Variants in SDCCAG8 observed in about 807,000 individuals in gnomAD.
The protein encoded by SDCCAG8 is SHH signaling and ciliogenesis regulator SDCCAG8, also known as serologically defined colon cancer antigen 8.
SDCCAG8 carries 74 observed loss-of-function variants against 101.8 expected under a neutral mutation model. The observed-to-expected ratio is 0.73, with a 90% confidence interval of 0.60 to 0.88. The LOEUF is 0.88. Among genes scored for constraint, SDCCAG8 ranks in the 40% least tolerant of loss-of-function variants. The pLI, the probability that SDCCAG8 is intolerant of heterozygous loss-of-function variation, is 0.00. For synonymous variants in SDCCAG8, 281 were observed against 292.9 expected (o/e 0.96, Z 0.41); for missense variants, 787 against 822.6 (o/e 0.96, Z 0.53).
chr1:243,374,883 T>A (rs1036183426), intron 12 of SDCCAG8, among the ~76,000 whole-genome samples: 23 of 151,968 alleles, frequency 1.5e-4, no homozygotes, highest in Non-Finnish European at 2.9e-4. Flanking sequence ...TATGTTCATT[T>A]AAAAAAAATT....
intron 12 of SDCCAG8, among the ~76,000 whole-genome samples, 197 bp from the exon 13 acceptor site, chr1:243,378,524 T>A (rs1183604359): frequency 6.6e-6 from 1 of 152,236 alleles, no homozygotes; most frequent in Non-Finnish European, 1.5e-5. Flanking sequence ...GATTTCATTT[T>A]ACAATCCAAA....
intron 16 of SDCCAG8, among the ~76,000 whole-genome samples, chr1:243,428,673 A>T (rs1350497287): frequency 6.6e-6 from 1 of 152,276 alleles, no homozygotes; most frequent in Non-Finnish European, 1.5e-5. Flanking sequence ...ATGCAAATCT[A>T]TTATAAAAAG....
Position 243,341,044 on chromosome 1 carries a change from G to A in SDCCAG8, c.1227G>A (p.Leu409=), listed in dbSNP as rs1022554259. 1.2e-6 allele frequency: 2 copies of A among 1,613,438 alleles called. No individual in the cohort carries two copies. The highest frequency in any genetic ancestry group is 8.5e-7 in the Non-Finnish European group (1 of 1,179,410). Reference sequence around the variant, plus strand: ...ACTTTTATTTTCCCTTACAGATGTTGATCTTGTCTCAGAATATTGCCCAAC... The same window carrying A: ...ACTTTTATTTTCCCTTACAGATGTTAATCTTGTCTCAGAATATTGCCCAAC... The part of the protein sequence containing the change: ...KEREYMGSKM[L]ILSQNIAQLE... The change falls in exon 11 of 18, where the codon TTG becomes TTA. Residue 409 remains leucine, a synonymous_variant. Transcript: ENST00000366541.
intron 16 of SDCCAG8, among the ~76,000 whole-genome samples, chr1:243,460,012 G>C (rs1016447470): frequency 6.6e-6 from 1 of 152,072 alleles, no homozygotes; most frequent in African/African-American, 2.4e-5. Context: ...GTCACTCAAG[G>C]GATTATTGCA....
At chr1:243,383,235 C>G (rs145037878) in intron 13 of SDCCAG8, among the ~76,000 whole-genome samples, 8 of 152,102 alleles carry the variant, frequency 5.3e-5, no homozygotes, top group African/African-American at 1.9e-4. Flanking sequence ...ACAATTAAAA[C>G]CATATACTTT....
At chr1:243,267,146 G>A in intron 1 of SDCCAG8, 1 of 156,224 alleles carries the variant, frequency 6.4e-6, no homozygotes, top group Non-Finnish European at 1.4e-5. Context: ...GGGAGGCTGA[G>A]GCAGGAGAAT....
At chr1:243,423,008 T>C (rs1254765383) in intron 15 of SDCCAG8, among the ~76,000 whole-genome samples, 4 of 152,174 alleles carry the variant, frequency 2.6e-5, no homozygotes, top group African/African-American at 2.4e-5. Context: ...AGTTTACTCT[T>C]TGAGCTTTGC....
intron 17 of SDCCAG8, among the ~76,000 whole-genome samples, chr1:243,494,437 T>A (rs1574425982): frequency 6.6e-6 from 1 of 152,250 alleles, no homozygotes; most frequent in East Asian, 1.9e-4. Flanking sequence ...AACTCCCTGC[T>A]GCCTGAGTGT....
intron 16 of SDCCAG8, among the ~76,000 whole-genome samples, chr1:243,447,495 A>AGTGT (rs1467059737): frequency 6.6e-6 from 1 of 151,838 alleles, no homozygotes; most frequent in Admixed American, 6.6e-5. Flanking sequence ...TGGTGATTAT[A>AGTGT]GTGTGTGTGT....
In SDCCAG8 at chr1:243,441,688, T is replaced by C. The variant is rs549895505; in HGVS notation, c.1985+15130T>C. Among the ~76,000 whole-genome samples, 10 of 152,330 alleles carry C rather than the reference T, an allele frequency of 6.6e-5. No homozygotes were observed. The East Asian group carries it at 1.9e-3, about 29-fold the overall frequency. On this transcript the variant is annotated intron_variant, in intron 16 of 17. Coordinates refer to ENST00000366541, the MANE Select transcript of SDCCAG8 (RefSeq NM_006642.5). Reference sequence around the variant, plus strand: ...GTTTGTTAAAATATATATATGTAAATATAGGTACAGATATATCATACAGAC... The same window carrying C: ...GTTTGTTAAAATATATATATGTAAACATAGGTACAGATATATCATACAGAC...
At chr1:243,278,256 T>C (rs2068740117) in intron 4 of SDCCAG8, among the ~76,000 whole-genome samples, 1 of 152,226 alleles carries the variant, frequency 6.6e-6, no homozygotes, top group Admixed American at 6.5e-5. Flanking sequence ...AGTCTCGCTC[T>C]GTCACCCAGG....
intron 13 of SDCCAG8, among the ~76,000 whole-genome samples, chr1:243,407,658 G>A (rs777173467): frequency 6.6e-6 from 1 of 152,138 alleles, no homozygotes; most frequent in Non-Finnish European, 1.5e-5. Context: ...AGATGTTTCT[G>A]TTAAATATTT....
chr1:243,448,986 T>C (rs767773980), intron 16 of SDCCAG8, among the ~76,000 whole-genome samples: 9 of 152,248 alleles, frequency 5.9e-5, no homozygotes, highest in Non-Finnish European at 1.0e-4. Context: ...TAACCTCTCA[T>C]GTATATCTTC....
At chr1:243,476,842 G>A (rs1662507917) in intron 16 of SDCCAG8, among the ~76,000 whole-genome samples, 1 of 152,216 alleles carries the variant, frequency 6.6e-6, no homozygotes, top group Non-Finnish European at 1.5e-5. Flanking sequence ...ATCCAATTCA[G>A]TAGGTTAGAT....
In SDCCAG8 at chr1:243,271,058, C is replaced by G. The variant is rs2068042022; in HGVS notation, c.301C>G (p.Pro101Ala). 1 of 1,606,084 alleles carries G rather than the reference C, an allele frequency of 6.2e-7. No individual in the cohort carries two copies. The highest frequency in any genetic ancestry group is 8.5e-7 in the Non-Finnish European group (1 of 1,172,818). The change falls in exon 3 of 18, where the codon CCC becomes GCC. Residue 101 changes from proline to alanine, a missense_variant. By Grantham distance (27) the Pro-to-Ala change is conservative (BLOSUM62 -1). Transcript: ENST00000366541. ...TCCGTCAAGAAGAAGAAAAATGTCC[C>G]CCTTGGTAAGTATCAACTTTTCCAA... ...VSPSRRRKMS[P>A]LRSLEHEETN...
rs569290033 is a variant in SDCCAG8, at chr1:243,328,976, C to T, written c.1069-1564C>T. Among the ~76,000 whole-genome samples, 69 of 152,140 alleles carry T rather than the reference C, an allele frequency of 4.5e-4. No individual in the cohort carries two copies. In the South Asian group the frequency reaches 0.014, roughly 31 times the overall value. On this transcript the variant is annotated intron_variant, in intron 9 of 17. Coordinates refer to ENST00000366541, the MANE Select transcript of SDCCAG8 (RefSeq NM_006642.5). ...GATATATTGGTTTATATTAAGTAAG[C>T]GTTTTGTCTATTCATACCAGTAGCA...
At position 243,259,518 on chromosome 1, in the gene SDCCAG8, C is replaced by T. The variant is rs2067028818; in HGVS notation, c.67+3278C>T. Among the ~76,000 whole-genome samples the T allele has an allele frequency of 5.3e-5, 8 of 151,232 alleles. No individual in the cohort carries two copies. In the South Asian group the frequency reaches 1.7e-3, roughly 32 times the overall value. ...AATGTGAAAACTGAGTCAGCATTTA[C>T]TTTCTTGTTTTTAAAATGAGGTTGG... On this transcript the variant is annotated intron_variant, in intron 1 of 17. Coordinates refer to ENST00000366541, the MANE Select transcript of SDCCAG8 (RefSeq NM_006642.5).
chr1:243,406,123 G>T (rs1192115055), intron 13 of SDCCAG8, among the ~76,000 whole-genome samples: 5 of 152,146 alleles, frequency 3.3e-5, no homozygotes, highest in Non-Finnish European at 5.9e-5. Flanking sequence ...AGAAAGCCAA[G>T]AATGCATAAA....
At chr1:243,404,513 TTAA>T (rs1465509444) in intron 13 of SDCCAG8, among the ~76,000 whole-genome samples, 2 of 152,226 alleles carry the variant, frequency 1.3e-5, no homozygotes, top group East Asian at 3.8e-4. Context: ...AGAAAGTGAC[TTAA>T]TTATTGTATC....
Sources: allele counts gnomAD v4.1 joint callset (sites outside exome capture counted in the v4.1 genomes callset), GRCh38; gene constraint gnomAD v4.1.1; transcripts MANE v1.5; gene names NCBI Gene and HGNC (gene_info 2026-07-23, HGNC 2026-07-21).